FTO: variants seen among roughly 807,000 people sequenced by gnomAD.
FTO encodes alpha-ketoglutarate-dependent dioxygenase FTO.
A neutral mutation model predicts 63.9 loss-of-function variants in FTO; 47 were observed. That is an observed-to-expected ratio of 0.74 (90% CI 0.58 to 0.94). The LOEUF is 0.94. FTO is among the 40% of genes least tolerant of loss of function. FTO has a pLI of 0.00. For synonymous variants in FTO, 207 were observed against 224.4 expected, an observed-to-expected ratio of 0.92 and a Z score of 0.69; for missense variants, 562 against 618.1, an observed-to-expected ratio of 0.91 and a Z score of 0.96.
intron 8 of FTO, among the ~76,000 whole-genome samples, chr16:54,080,241 A>G (rs1229068680): frequency 6.6e-6 from 1 of 152,200 alleles, no homozygotes; most frequent in African/African-American, 2.4e-5. Context: ...AAAGAAAAGT[A>G]GAAGCATTCC....
At chr16:54,027,996 T>A (rs1270768840) in intron 8 of FTO, among the ~76,000 whole-genome samples, 1 of 92,452 alleles carries the variant, frequency 1.1e-5, no homozygotes, top group Non-Finnish European at 2.0e-5. Flanking sequence ...GGAGTTTGTG[T>A]TTTTTTTTGT....
intron 8 of FTO, chr16:53,984,844 G>T (rs2083629385): frequency 2.3e-6 from 1 of 431,428 alleles, no homozygotes; most frequent in African/African-American, 2.1e-5. Context: ...TGATTCTTTT[G>T]GTGTCTTTTG....
intron 8 of FTO, among the ~76,000 whole-genome samples, chr16:54,102,127 G>C (rs1409729416): frequency 6.6e-6 from 1 of 152,154 alleles, no homozygotes; most frequent in Non-Finnish European, 1.5e-5. Flanking sequence ...TTACTCTGTT[G>C]ATAGTTTCTT....
In FTO at chr16:53,946,648, A is replaced by G. The variant is rs543726978; in HGVS notation, c.1364+12539A>G. 3.3e-5 allele frequency among the ~76,000 whole-genome samples: 5 copies of G among 152,228 alleles called. No individual in the cohort carries two copies. The South Asian group carries it at 8.3e-4, about 25-fold the overall frequency. Reference sequence around the variant, plus strand: ...GAAGTCATATCTACAAGGAAGGCTTATGTAGGGCCTGGTCTGAACTCCAGG... The same window carrying G: ...GAAGTCATATCTACAAGGAAGGCTTGTGTAGGGCCTGGTCTGAACTCCAGG... On this transcript the variant is annotated intron_variant, in intron 8 of 8. Coordinates refer to ENST00000471389, the MANE Select transcript of FTO (RefSeq NM_001080432.3).
chr16:54,075,779 A>T (rs566114499), intron 8 of FTO, among the ~76,000 whole-genome samples: 1 of 152,218 alleles, frequency 6.6e-6, no homozygotes, highest in African/African-American at 2.4e-5. Flanking sequence ...GATGAAATTA[A>T]TCTGTTTTAC....
chr16:53,979,018 A>G (rs537383317), intron 8 of FTO, among the ~76,000 whole-genome samples: 2 of 152,168 alleles, frequency 1.3e-5, no homozygotes, highest in East Asian at 3.9e-4. Context: ...CCAAAAAAGT[A>G]CCCATAATCC....
chr16:53,769,213 C>T (rs2077277776), intron 1 of FTO, among the ~76,000 whole-genome samples: 1 of 152,084 alleles, frequency 6.6e-6, no homozygotes, highest in African/African-American at 2.4e-5. Flanking sequence ...TTTATCTTTC[C>T]TTCTTCTGGG....
chr16:53,784,949 G>A (rs752686926), intron 1 of FTO, among the ~76,000 whole-genome samples: 40 of 152,134 alleles, frequency 2.6e-4, no homozygotes, highest in Non-Finnish European at 5.7e-4. Context: ...ATGAGAAACT[G>A]TAAAAGAGGT....
chr16:53,969,473 T>C (rs1163509916), intron 8 of FTO, among the ~76,000 whole-genome samples: 4 of 152,218 alleles, frequency 2.6e-5, no homozygotes, highest in African/African-American at 7.2e-5. Context: ...GCTTGTTTTC[T>C]ATTAATTCAT....
At chr16:53,866,792 T>C (rs1158443322) in intron 4 of FTO, among the ~76,000 whole-genome samples, 1 of 152,096 alleles carries the variant, frequency 6.6e-6, no homozygotes, top group Non-Finnish European at 1.5e-5. Flanking sequence ...TTATCAATTT[T>C]ATTGATCTTT....
At chr16:53,997,589 G>T (rs1422885518) in intron 8 of FTO, among the ~76,000 whole-genome samples, 1 of 151,934 alleles carries the variant, frequency 6.6e-6, no homozygotes, top group East Asian at 1.9e-4. Flanking sequence ...GTGGGAGTGG[G>T]GGGGTGGTGC....
intron 1 of FTO, among the ~76,000 whole-genome samples, chr16:53,712,937 G>A (rs953915086): frequency 6.6e-6 from 1 of 151,434 alleles, no homozygotes; most frequent in Non-Finnish European, 1.5e-5. Flanking sequence ...CAAAAAAGTA[G>A]AGATCATGTT....
intron 8 of FTO, among the ~76,000 whole-genome samples, chr16:54,106,189 G>A (rs1454459819): frequency 5.9e-5 from 9 of 151,980 alleles, no homozygotes; most frequent in Admixed American, 2.6e-4. Context: ...CTGCAATCCC[G>A]ATCTTCTAAA....
chr16:53,965,038 T>A (rs1378573311), intron 8 of FTO, among the ~76,000 whole-genome samples: 1 of 152,154 alleles, frequency 6.6e-6, no homozygotes, highest in African/African-American at 2.4e-5. Flanking sequence ...ATTGTAATAG[T>A]TTCCTTGTTA....
chr16:53,750,837 CTTGA>C (rs2076772006), intron 1 of FTO, among the ~76,000 whole-genome samples: 1 of 152,148 alleles, frequency 6.6e-6, no homozygotes, highest in South Asian at 2.1e-4. Context: ...AGCAATTTTA[CTTGA>C]TTGAATTGCA....
At chr16:53,823,578 CCTTTT>C (rs2078925136) in intron 2 of FTO, among the ~76,000 whole-genome samples, 1 of 149,162 alleles carries the variant, frequency 6.7e-6, no homozygotes, top group Admixed American at 6.8e-5. Context: ...TTCATTTCCC[CCTTTT>C]CTTCTTTCTA....
At chr16:53,869,170 C>T (rs2080417406) in intron 4 of FTO, among the ~76,000 whole-genome samples, 1 of 152,084 alleles carries the variant, frequency 6.6e-6, no homozygotes, top group African/African-American at 2.4e-5. Flanking sequence ...TTTGTAGGAT[C>T]CACAATTCTA....
At chr16:54,018,409 G>C (rs79759782) in intron 8 of FTO, among the ~76,000 whole-genome samples, 106 of 142,224 alleles carry the variant, frequency 7.5e-4, no homozygotes, top group Admixed American at 2.4e-3. Flanking sequence ...TAGATAGATA[G>C]ATACATACAT....
At chr16:54,056,983 G>A (rs1293453923) in intron 8 of FTO, among the ~76,000 whole-genome samples, 4 of 152,164 alleles carry the variant, frequency 2.6e-5, no homozygotes, top group Non-Finnish European at 4.4e-5. Context: ...CTAGATGCTA[G>A]GGATACCAAG....
Sources: allele counts gnomAD v4.1 joint callset (sites outside exome capture counted in the v4.1 genomes callset), GRCh38; gene constraint gnomAD v4.1.1; transcripts MANE v1.5; gene names NCBI Gene and HGNC (gene_info 2026-07-23, HGNC 2026-07-21).